FOXP1: variants seen among roughly 807,000 people sequenced by gnomAD.
FOXP1 encodes forkhead box protein P1.
In FOXP1, 15 loss-of-function variants were observed where a neutral mutation model predicts 98.2. The ratio of observed to expected loss-of-function variants is 0.15; its 90% CI spans 0.10 to 0.24. FOXP1 has a LOEUF of 0.24. Among genes scored for constraint, FOXP1 ranks in the 10% least tolerant of loss-of-function variants. The probability of loss-of-function intolerance (pLI) is 1.00; values close to 1 mark genes in which losing one functional copy is unlikely to be tolerated. For missense variants in FOXP1, 633 were observed against 848.5 expected (o/e 0.75, Z 3.15); for synonymous variants, 371 against 314.5 (o/e 1.18, Z -1.90).
chr3:70,998,906 C>G (rs1448624475), intron 13 of FOXP1, among the ~76,000 whole-genome samples: 1 of 152,134 alleles, frequency 6.6e-6, no homozygotes, highest in East Asian at 1.9e-4. Context: ...GAGTAATTAA[C>G]AATGGCTGAA....
chr3:71,198,422 G>T (rs76943175), intron 5 of FOXP1, 30 bp from the exon 6 acceptor site: 2 of 527,978 alleles, frequency 3.8e-6, no homozygotes, highest in Non-Finnish European at 7.4e-6. Flanking sequence ...GATGGGGGGA[G>T]GGAGGGGGGG....
At chr3:71,580,251 G>GA (rs2048058214) in intron 2 of FOXP1, among the ~76,000 whole-genome samples, 1 of 151,646 alleles carries the variant, frequency 6.6e-6, no homozygotes, top group Admixed American at 6.6e-5. Flanking sequence ...GGGGGTGGGG[G>GA]ATGCAGCCAG....
chr3:71,009,405 A>G (rs1253366324), intron 12 of FOXP1, among the ~76,000 whole-genome samples: 1 of 152,092 alleles, frequency 6.6e-6, no homozygotes, highest in East Asian at 1.9e-4. Flanking sequence ...TGGCAGAGCT[A>G]AGTCGAGTTG....
chr3:71,131,134 C>T (rs903192805), intron 6 of FOXP1, among the ~76,000 whole-genome samples: 2 of 152,030 alleles, frequency 1.3e-5, no homozygotes, highest in African/African-American at 4.8e-5. Flanking sequence ...AACACATCGT[C>T]CCGTATTCCA....
chr3:71,310,466 C>A (rs932955520), intron 4 of FOXP1, among the ~76,000 whole-genome samples: 2 of 152,228 alleles, frequency 1.3e-5, no homozygotes, highest in Admixed American at 1.3e-4. Flanking sequence ...GCAAACTCTA[C>A]TCTTTGCTTT....
intron 5 of FOXP1, among the ~76,000 whole-genome samples, chr3:71,219,378 G>C (rs1162187124): frequency 6.6e-6 from 1 of 152,194 alleles, no homozygotes; most frequent in Non-Finnish European, 1.5e-5. Flanking sequence ...TTGAAATGTG[G>C]CTAGAGTGAA....
chr3:71,491,593 T>C (rs921810317), intron 3 of FOXP1, among the ~76,000 whole-genome samples: 1 of 152,172 alleles, frequency 6.6e-6, no homozygotes, highest in Non-Finnish European at 1.5e-5. Flanking sequence ...AGTAATACTG[T>C]AGGGAAGACA....
At chr3:71,149,571 T>G in intron 6 of FOXP1, among the ~76,000 whole-genome samples, 1 of 152,202 alleles carries the variant, frequency 6.6e-6, no homozygotes, top group East Asian at 1.9e-4. Context: ...AAAATATTTT[T>G]TAAAACTACA....
intron 5 of FOXP1, among the ~76,000 whole-genome samples, chr3:71,198,826 G>C (rs797010884): frequency 1.8e-4 from 27 of 151,946 alleles, no homozygotes; most frequent in African/African-American, 6.0e-4. Flanking sequence ...CGAGTAGCTA[G>C]GATTACAGGT....
In FOXP1 at chr3:71,434,720, T is replaced by C. The variant is rs185155299; in HGVS notation, c.-168+58706A>G. 5.0e-3 allele frequency among the ~76,000 whole-genome samples: 754 copies of C among 150,292 alleles called. 6 individuals carry two copies. Among genetic ancestry groups the C allele is most frequent in the African/African-American group, 0.016 (664 of 40,780 alleles). ...TAGACTTAAATGGTGTAGAGTAGAG[T>C]TCTTCTTACCACAGATGTTGTATTT... is the stretch of plus-strand genomic sequence containing the variant. On this transcript the variant is annotated intron_variant, in intron 3 of 20. Transcript: ENST00000649528.
chr3:71,142,973 A>G (rs558209341), intron 6 of FOXP1, among the ~76,000 whole-genome samples: 1 of 151,870 alleles, frequency 6.6e-6, no homozygotes, highest in African/African-American at 2.4e-5. Flanking sequence ...AGGGCAGGGC[A>G]GGGCAGGGCA....
At chr3:71,440,625 G>A (rs1239043678) in intron 3 of FOXP1, among the ~76,000 whole-genome samples, 1 of 151,940 alleles carries the variant, frequency 6.6e-6, no homozygotes, top group Admixed American at 6.5e-5. Context: ...GAACCCGGAA[G>A]GCAGAGGTTG....
At chr3:71,154,838 G>A (rs888060754) in intron 6 of FOXP1, among the ~76,000 whole-genome samples, 12 of 152,318 alleles carry the variant, frequency 7.9e-5, no homozygotes, top group Admixed American at 3.9e-4. Context: ...ATTACTAGCA[G>A]CTGGAAGACA....
chr3:71,137,810 T>TG (rs1272471808), intron 6 of FOXP1, among the ~76,000 whole-genome samples: 1 of 147,644 alleles, frequency 6.8e-6, no homozygotes, highest in Non-Finnish European at 1.5e-5. Context: ...TTTTTTTTTT[T>TG]GGTGCAAGAC....
chr3:71,548,161 G>A (rs2045507191), intron 2 of FOXP1, among the ~76,000 whole-genome samples: 1 of 152,108 alleles, frequency 6.6e-6, no homozygotes, highest in South Asian at 2.1e-4. Context: ...TGAAAATGTG[G>A]GTGACTGGCA....
chr3:71,094,263 CCT>C (rs2056220772), intron 7 of FOXP1, among the ~76,000 whole-genome samples: 1 of 151,480 alleles, frequency 6.6e-6, no homozygotes, highest in Non-Finnish European at 1.5e-5. Context: ...CATATAATTC[CCT>C]TTTTTTTCTT....
intron 6 of FOXP1, among the ~76,000 whole-genome samples, chr3:71,172,659 A>G (rs1478643616): frequency 1.3e-5 from 2 of 152,214 alleles, no homozygotes; most frequent in Non-Finnish European, 2.9e-5. Flanking sequence ...TTTCTCACCA[A>G]GAGTTTTGCA....
intron 4 of FOXP1, among the ~76,000 whole-genome samples, chr3:71,313,501 G>A (rs913575093): frequency 5.3e-5 from 8 of 152,012 alleles, no homozygotes; most frequent in African/African-American, 1.9e-4. Context: ...GCAAGGCTGA[G>A]GTTGTACAGA....
intron 5 of FOXP1, among the ~76,000 whole-genome samples, chr3:71,273,824 C>T (rs924372518): frequency 2.0e-5 from 3 of 152,152 alleles, no homozygotes; most frequent in African/African-American, 7.2e-5. Context: ...GAGTGATTTC[C>T]TTGAAAGGTC....
Sources: allele counts gnomAD v4.1 joint callset (sites outside exome capture counted in the v4.1 genomes callset), GRCh38; gene constraint gnomAD v4.1.1; transcripts MANE v1.5; gene names NCBI Gene and HGNC (gene_info 2026-07-23, HGNC 2026-07-21).